Variants in SETBP1 observed in about 807,000 individuals in gnomAD.
The protein encoded by SETBP1 is SET-binding protein.
A neutral mutation model predicts 101.0 loss-of-function variants in SETBP1; 9 were observed. That is an observed-to-expected ratio of 0.09 (90% CI 0.05 to 0.16). SETBP1 has a LOEUF of 0.16. SETBP1 is among the 10% of genes least tolerant of loss of function. The pLI is 1.00. For synonymous variants in SETBP1, 818 were observed against 788.5 expected, an observed-to-expected ratio of 1.04 and a Z score of -0.63; for missense variants, 1,858 against 2,033.8, an observed-to-expected ratio of 0.91 and a Z score of 1.66.
chr18:44,749,236 G>A (rs965804916), intron 2 of SETBP1, among the ~76,000 whole-genome samples: 13 of 152,084 alleles, frequency 8.5e-5, no homozygotes, highest in African/African-American at 2.2e-4. Context: ...ATTACCCCTC[G>A]TTGGGGAGTT....
chr18:45,005,018 AG>A (rs1449042526), intron 4 of SETBP1, among the ~76,000 whole-genome samples: 3 of 152,216 alleles, frequency 2.0e-5, no homozygotes. Flanking sequence ...AAATAGTAGA[AG>A]AAGCCAAGTG....
chr18:44,832,918 A>G (rs533003375), intron 2 of SETBP1, among the ~76,000 whole-genome samples: 1 of 152,268 alleles, frequency 6.6e-6, no homozygotes, highest in South Asian at 2.1e-4. Context: ...CATTGGACAA[A>G]TGTCTGCAGC....
At chr18:44,878,546 A>T (rs911724367) in intron 3 of SETBP1, among the ~76,000 whole-genome samples, 6 of 152,154 alleles carry the variant, frequency 3.9e-5, no homozygotes, top group African/African-American at 1.4e-4. Context: ...ATATATTTTT[A>T]GGTCTAGGAA....
At chr18:44,859,654 C>T (rs939378463) in intron 2 of SETBP1, among the ~76,000 whole-genome samples, 1 of 152,150 alleles carries the variant, frequency 6.6e-6, no homozygotes, top group Non-Finnish European at 1.5e-5. Flanking sequence ...AAAGTACCTA[C>T]CTGGTACAAG....
intron 5 of SETBP1, among the ~76,000 whole-genome samples, chr18:45,045,276 G>A (rs2073588960): frequency 3.3e-5 from 5 of 152,190 alleles, no homozygotes. Context: ...ACAAAAATTA[G>A]CTAGGCATAG....
chr18:44,701,514 G>A lies in SETBP1; in HGVS notation c.168G>A (p.Glu56=). 1.9e-6 allele frequency: 3 copies of A among 1,614,020 alleles called. No individual in the cohort carries two copies. Among genetic ancestry groups the A allele is most frequent in the Non-Finnish European group, 2.5e-6 (3 of 1,179,924 alleles). The part of the protein sequence containing the change: ...KGIPVGGERM[E]PEEEDELGSG... ...TCCCGGTGGGCGGAGAGCGCATGGA[G>A]CCAGAGGAGGAGGATGAACTAGGCT... The change falls in exon 2 of 6, where the codon GAG becomes GAA. Residue 56 remains glutamate, a synonymous_variant. Coordinates refer to ENST00000649279, the MANE Select transcript of SETBP1 (RefSeq NM_015559.3).
intron 2 of SETBP1, among the ~76,000 whole-genome samples, chr18:44,798,879 C>T (rs1340551436): frequency 6.6e-6 from 1 of 152,194 alleles, no homozygotes; most frequent in Non-Finnish European, 1.5e-5. Context: ...GTAAGTGTAA[C>T]TTGCCCAAGG....
chr18:44,895,566 C>T (rs190512047), intron 3 of SETBP1, among the ~76,000 whole-genome samples: 11 of 152,190 alleles, frequency 7.2e-5, no homozygotes, highest in African/African-American at 2.2e-4. Context: ...GGCTGCTGAA[C>T]GTACCATAGC....
intron 2 of SETBP1, among the ~76,000 whole-genome samples, chr18:44,804,905 C>T (rs2071695734): frequency 6.6e-6 from 1 of 152,082 alleles, no homozygotes; most frequent in Non-Finnish European, 1.5e-5. Flanking sequence ...GCTTCCACTC[C>T]TCCAGGCCAT....
intron 3 of SETBP1, among the ~76,000 whole-genome samples, chr18:44,897,205 T>C (rs1198296217): frequency 6.6e-6 from 1 of 152,198 alleles, no homozygotes; most frequent in Non-Finnish European, 1.5e-5. Context: ...GAAACCCAAA[T>C]TGGTGAGGTG....
intron 5 of SETBP1, among the ~76,000 whole-genome samples, chr18:45,053,646 A>C (rs1252067633): frequency 6.6e-6 from 1 of 152,206 alleles, no homozygotes; most frequent in Non-Finnish European, 1.5e-5. Flanking sequence ...TCACCATTAT[A>C]TGTAATTCTT....
chr18:44,870,177 T>C (rs914887847), intron 3 of SETBP1: 10 of 152,208 alleles, frequency 6.6e-5, no homozygotes, highest in Non-Finnish European at 1.3e-4. Context: ...CGAGCAAATA[T>C]GTTTCTAATT....
intron 2 of SETBP1, among the ~76,000 whole-genome samples, chr18:44,841,969 G>A (rs778700113): frequency 6.6e-6 from 1 of 152,234 alleles, no homozygotes; most frequent in Admixed American, 6.5e-5. Context: ...GCGTGATTTA[G>A]TGCGACCTCA....
At position 44,812,613 on chromosome 18, in the gene SETBP1, G is replaced by T. The variant is rs146869850; in HGVS notation, c.487-56617G>T. 4.8e-3 allele frequency among the ~76,000 whole-genome samples: 735 copies of T among 152,196 alleles called. 3 individuals are homozygous for T. Among genetic ancestry groups the T allele is most frequent in the Middle Eastern group, 0.01 (3 of 294 alleles). On this transcript the variant is annotated intron_variant, in intron 2 of 5. Transcript: ENST00000649279. ...GCAAAAGGGATCTGTTGGTGCCCTG[G>T]CTGGGTATCTCTGCCTCTCTCCTGT...
chr18:44,971,841 A>C (rs902471034), intron 4 of SETBP1, among the ~76,000 whole-genome samples: 132 of 152,154 alleles, frequency 8.7e-4, no homozygotes, highest in Non-Finnish European at 1.5e-3. Context: ...GTTCACTCTG[A>C]TGGTAGTTTC....
chr18:44,745,257 C>A (rs2070211628), intron 2 of SETBP1, among the ~76,000 whole-genome samples: 1 of 152,092 alleles, frequency 6.6e-6, no homozygotes, highest in African/African-American at 2.4e-5. Flanking sequence ...TGTATGTACA[C>A]CTAGGTATGT....
At position 44,951,359 on chromosome 18, in the gene SETBP1, G is replaced by T; in HGVS notation, c.2019G>T (p.Lys673Asn). The change falls in exon 4 of 6, where the codon AAG (lysine) becomes AAT (asparagine). Residue 673 changes from lysine (K) to asparagine (N), a missense_variant. By Grantham distance (94) the Lys-to-Asn change is moderately conservative (BLOSUM62 0). Coordinates refer to ENST00000649279, the MANE Select transcript of SETBP1 (RefSeq NM_015559.3). This position sits in a 1 kb window ranked among gnomAD's most constrained non-coding sequence, Gnocchi z 7.8. ...IKTINKMKTL[K>N]RKNILNQILS... ...CTATCAATAAGATGAAGACACTCAA[G>T]AGGAAAAACATCTTGAATCAGATCT... The T allele has an allele frequency of 6.2e-7, 1 of 1,614,026 alleles. No homozygotes were observed. The highest frequency in any genetic ancestry group is 8.5e-7 in the Non-Finnish European group (1 of 1,180,036).
At chr18:44,885,388 G>C (rs555957004) in intron 3 of SETBP1, among the ~76,000 whole-genome samples, 12 of 152,176 alleles carry the variant, frequency 7.9e-5, no homozygotes, top group African/African-American at 2.6e-4. Context: ...TCCCAAGAAA[G>C]GGACTTAATA....
At chr18:44,844,828 G>C (rs1160586367) in intron 2 of SETBP1, among the ~76,000 whole-genome samples, 7 of 152,128 alleles carry the variant, frequency 4.6e-5, no homozygotes. Context: ...GCTTTTCAAG[G>C]CACACACAAG....
Sources: gnomAD v4.1 joint callset for allele counts (sites outside exome capture counted in the v4.1 genomes callset) on GRCh38, gnomAD v4.1.1 for gene constraint, Gnocchi (gnomAD v3.1) non-coding constraint, MANE v1.5 for transcripts, NCBI Gene and HGNC (gene_info 2026-07-23, HGNC 2026-07-21) for gene names.